Variants in TOX observed in about 807,000 individuals in gnomAD.
TOX encodes thymocyte selection associated high mobility group box.
Under a neutral mutation model 53.7 loss-of-function variants are expected in TOX, and 11 were observed. The observed-to-expected ratio is 0.20, with a 90% confidence interval of 0.13 to 0.34. The LOEUF is 0.34. Among genes scored for constraint, TOX ranks in the 10% least tolerant of loss-of-function variants. TOX has a pLI of 1.00. For synonymous variants in TOX, 225 were observed against 245.3 expected (o/e 0.92, Z 0.77); for missense variants, 570 against 664.6 (o/e 0.86, Z 1.56).
At chr8:58,883,474 G>A (rs1443610686) in intron 3 of TOX, among the ~76,000 whole-genome samples, 2 of 152,082 alleles carry the variant, frequency 1.3e-5, no homozygotes, top group Non-Finnish European at 2.9e-5. Context: ...TCTTAGTTTA[G>A]GGAGTTTTAT....
chr8:59,005,398 A>G (rs1388685339), intron 1 of TOX, among the ~76,000 whole-genome samples: 1 of 152,228 alleles, frequency 6.6e-6, no homozygotes, highest in Admixed American at 6.5e-5. Flanking sequence ...CAACTAAAGT[A>G]TCATTTGTTA....
chr8:58,979,882 G>T (rs985003912), intron 1 of TOX, among the ~76,000 whole-genome samples: 1 of 152,166 alleles, frequency 6.6e-6, no homozygotes, highest in Non-Finnish European at 1.5e-5. Context: ...AGCATAGAAA[G>T]TTGGTACATA....
Position 59,117,134 on chromosome 8 carries a change from T to C in TOX, c.102+1752A>G, listed in dbSNP as rs1035870683. ...TCTCATTGCCAAAATAGTTCTGAGC[T>C]TTTGGTTCCGGTAACTACAGTGGAA... On this transcript the variant is annotated intron_variant, in intron 1 of 8. Transcript: ENST00000361421. The surrounding 1 kb of genome is among the most constrained non-coding windows in gnomAD (Gnocchi z 4.6). Among the ~76,000 whole-genome samples, 1 of 152,210 alleles carries C rather than the reference T, an allele frequency of 6.6e-6. No individual in the cohort carries two copies. The highest frequency in any genetic ancestry group is 2.4e-5 in the African/African-American group (1 of 41,462).
At chr8:59,045,108 T>C (rs1241031699) in intron 1 of TOX, among the ~76,000 whole-genome samples, 1 of 152,254 alleles carries the variant, frequency 6.6e-6, no homozygotes, top group Non-Finnish European at 1.5e-5. Flanking sequence ...GGGTGAAAAT[T>C]AGACTTTTTC....
At chr8:59,070,107 A>G (rs1804166913) in intron 1 of TOX, among the ~76,000 whole-genome samples, 1 of 152,274 alleles carries the variant, frequency 6.6e-6, no homozygotes, top group African/African-American at 2.4e-5. Context: ...ATGGGCTAAA[A>G]GTAATAAAGC....
chr8:59,042,310 G>A (rs1248136039), intron 1 of TOX, among the ~76,000 whole-genome samples: 1 of 152,102 alleles, frequency 6.6e-6, no homozygotes, highest in Non-Finnish European at 1.5e-5. Context: ...CTTCAAATAT[G>A]ACTACTTAAT....
Position 58,834,887 on chromosome 8 carries a change from A to G in TOX, c.924+3194T>C, listed in dbSNP as rs77003011. Reference sequence around the variant, plus strand: ...CAAGATCATCTTTTAGGTTCACATGATAGGTTATGTTGAACTTCTGTGAAG... The same window carrying G: ...CAAGATCATCTTTTAGGTTCACATGGTAGGTTATGTTGAACTTCTGTGAAG... On this transcript the variant is annotated intron_variant, in intron 5 of 8. Transcript: ENST00000361421. 4.5e-3 allele frequency among the ~76,000 whole-genome samples: 690 copies of G among 152,242 alleles called. 7 individuals carry two copies. Among genetic ancestry groups the G allele is most frequent in the African/African-American group, 0.016 (660 of 41,524 alleles).
intron 1 of TOX, among the ~76,000 whole-genome samples, chr8:59,023,133 C>T (rs7819320): frequency 0.035 from 5,369 of 152,186 alleles, 329 homozygotes; most frequent in African/African-American, 0.12. Context: ...GGACCAATCT[C>T]GCTGAGAAAC....
chr8:59,064,280 T>C (rs987084281), intron 1 of TOX, among the ~76,000 whole-genome samples: 1 of 152,236 alleles, frequency 6.6e-6, no homozygotes, highest in Non-Finnish European at 1.5e-5. Flanking sequence ...TGGAGACCTT[T>C]AGGGACCTGG....
chr8:58,840,813 C>A (rs1231681741), intron 4 of TOX, among the ~76,000 whole-genome samples: 1 of 146,266 alleles, frequency 6.8e-6, no homozygotes, highest in African/African-American at 2.7e-5. Flanking sequence ...TAGATCTCCA[C>A]TGGCCACACT....
intron 6 of TOX, among the ~76,000 whole-genome samples, chr8:58,820,004 A>C (rs549804258): frequency 1.8e-4 from 27 of 152,162 alleles, no homozygotes; most frequent in Non-Finnish European, 3.2e-4. Flanking sequence ...ATGAGATTTT[A>C]TTATCTTTAA....
At chr8:58,859,934 G>T (rs113569107) in intron 3 of TOX, among the ~76,000 whole-genome samples, 4 of 152,256 alleles carry the variant, frequency 2.6e-5, no homozygotes, top group African/African-American at 9.6e-5. Flanking sequence ...AGAGAAGGGG[G>T]ACCCTGAACC....
chr8:58,870,878 A>G (rs377276895), intron 3 of TOX, among the ~76,000 whole-genome samples: 24 of 152,274 alleles, frequency 1.6e-4, no homozygotes, highest in East Asian at 9.6e-4. Context: ...AAAGTAGAGT[A>G]GGATCTTTTA....
intron 3 of TOX, among the ~76,000 whole-genome samples, chr8:58,898,946 C>T (rs1811692623): frequency 6.6e-6 from 1 of 152,178 alleles, no homozygotes; most frequent in Non-Finnish European, 1.5e-5. Context: ...CAATATCATT[C>T]CCTTTAAAGG....
chr8:59,020,978 G>A (rs1214475816), intron 1 of TOX, among the ~76,000 whole-genome samples: 1 of 151,896 alleles, frequency 6.6e-6, no homozygotes, highest in Non-Finnish European at 1.5e-5. Context: ...AGCCAGGCAT[G>A]GTGGTACATG....
chr8:58,957,252 A>G (rs1362884576), intron 2 of TOX, among the ~76,000 whole-genome samples: 1 of 152,232 alleles, frequency 6.6e-6, no homozygotes, highest in Non-Finnish European at 1.5e-5. Flanking sequence ...TGATGTTTCA[A>G]TTAAAGCACT....
chr8:58,930,535 A>G (rs1812240005), intron 3 of TOX, among the ~76,000 whole-genome samples: 1 of 152,198 alleles, frequency 6.6e-6, no homozygotes, highest in Non-Finnish European at 1.5e-5. Context: ...AGAGAAAGCA[A>G]TTCTTGACAC....
intron 1 of TOX, among the ~76,000 whole-genome samples, chr8:59,096,143 T>C (rs1312339953): frequency 6.6e-6 from 1 of 152,210 alleles, no homozygotes; most frequent in African/African-American, 2.4e-5. Context: ...ACTAAAAGTA[T>C]AAATGGAAAT....
chr8:59,059,299 G>A, intron 1 of TOX, among the ~76,000 whole-genome samples: 1 of 152,160 alleles, frequency 6.6e-6, no homozygotes, highest in East Asian at 1.9e-4. Flanking sequence ...GCCTGGAGAA[G>A]GTGGGGCTAC....
Sources: allele counts gnomAD v4.1 joint callset (sites outside exome capture counted in the v4.1 genomes callset), GRCh38; gene constraint gnomAD v4.1.1; non-coding constraint Gnocchi (gnomAD v3.1); transcripts MANE v1.5; gene names NCBI Gene and HGNC (gene_info 2026-07-23, HGNC 2026-07-21).